Variants in ELOC observed in about 807,000 individuals in gnomAD.
The protein encoded by ELOC is elongin C, also known as elongin-C.
For synonymous variants in ELOC, 40 were observed against 51.3 expected, an observed-to-expected ratio of 0.78 and a Z score of 0.94; for missense variants, 38 against 139.0, an observed-to-expected ratio of 0.27 and a Z score of 3.65.
intron 2 of ELOC, among the ~76,000 whole-genome samples, chr8:73,957,944 A>T (rs558007755): frequency 1.3e-4 from 19 of 151,672 alleles, no homozygotes; most frequent in African/African-American, 4.6e-4. Flanking sequence ...ACGGCTGGCT[A>T]ATTTTTGTAT....
At chr8:73,951,280 T>C (rs189328715) in intron 3 of ELOC, among the ~76,000 whole-genome samples, 4 of 152,034 alleles carry the variant, frequency 2.6e-5, no homozygotes, top group Admixed American at 1.3e-4. Flanking sequence ...AAAATGTTAA[T>C]AACTATTGAA....
chr8:73,969,915 T>C (rs1815240772), intron 1 of ELOC, among the ~76,000 whole-genome samples: 2 of 152,228 alleles, frequency 1.3e-5, no homozygotes, highest in South Asian at 4.1e-4. Context: ...CATTACTGGA[T>C]GGGCTTTTTC....
At chr8:73,949,373 C>A (rs1158505454) in intron 3 of ELOC, among the ~76,000 whole-genome samples, 1 of 152,080 alleles carries the variant, frequency 6.6e-6, no homozygotes, top group Non-Finnish European at 1.5e-5. Flanking sequence ...TGATACTAGA[C>A]AAACATCAGT....
chr8:73,954,534 G>A (rs926434196), intron 3 of ELOC, among the ~76,000 whole-genome samples: 1 of 151,424 alleles, frequency 6.6e-6, no homozygotes, highest in African/African-American at 2.4e-5. Context: ...GGCACCTGTA[G>A]TCCCAGACTT....
intron 1 of ELOC, among the ~76,000 whole-genome samples, chr8:73,971,094 G>A (rs1815363292): frequency 1.4e-5 from 2 of 146,220 alleles, no homozygotes; most frequent in Admixed American, 1.4e-4. Flanking sequence ...AAGTGAGAAA[G>A]TGAGGTTTTA....
intron 3 of ELOC, among the ~76,000 whole-genome samples, chr8:73,954,174 G>C (rs1813978155): frequency 1.3e-5 from 2 of 152,114 alleles, no homozygotes; most frequent in African/African-American, 2.4e-5. Flanking sequence ...AGACACTGAG[G>C]GTAGAGAATG....
chr8:73,963,960 G>T (rs762522843), intron 1 of ELOC, among the ~76,000 whole-genome samples: 1 of 151,978 alleles, frequency 6.6e-6, no homozygotes, highest in Non-Finnish European at 1.5e-5. Flanking sequence ...GGGTGTAGTA[G>T]TGGGTGCCTG....
intron 3 of ELOC, among the ~76,000 whole-genome samples, chr8:73,955,035 GA>G (rs34453392): frequency 2.7e-3 from 173 of 62,976 alleles, no homozygotes; most frequent in Middle Eastern, 0.011. Flanking sequence ...CTCCATCTCG[GA>G]AAAAAAAAAA....
chr8:73,964,890 G>A (rs976207801), intron 1 of ELOC, among the ~76,000 whole-genome samples: 5 of 151,976 alleles, frequency 3.3e-5, no homozygotes, highest in Non-Finnish European at 5.9e-5. Context: ...AGCTGGGCAT[G>A]GTGGTGCATA....
At chr8:73,970,516 T>C (rs930688018) in intron 1 of ELOC, 1 of 152,172 alleles carries the variant, frequency 6.6e-6, no homozygotes, top group Non-Finnish European at 1.5e-5. Context: ...GGTCACTTAA[T>C]ATTAAACAGG....
At chr8:73,966,546 T>A (rs1177635501) in intron 1 of ELOC, among the ~76,000 whole-genome samples, 1 of 151,434 alleles carries the variant, frequency 6.6e-6, no homozygotes, top group African/African-American at 2.4e-5. Context: ...AGTACAGTTG[T>A]GCAATCCTGG....
At chr8:73,947,302 G>GT (rs1356113797) in intron 3 of ELOC, among the ~76,000 whole-genome samples, 8 of 151,874 alleles carry the variant, frequency 5.3e-5, no homozygotes. Context: ...TGGTATTCTC[G>GT]TAAGAGATCC....
At position 73,951,405 on chromosome 8, in the gene ELOC, C is replaced by A. The variant is rs566216145; in HGVS notation, c.148+4506G>T. On this transcript the variant is annotated intron_variant, in intron 3 of 3. Transcript: ENST00000520242. Reference sequence around the variant, plus strand: ...TTGTGGCCACACACAGTGGCTCACACCTGTAACCCCAGCACTTTGGGAGGC... The same window carrying A: ...TTGTGGCCACACACAGTGGCTCACAACTGTAACCCCAGCACTTTGGGAGGC... 1.9e-4 allele frequency among the ~76,000 whole-genome samples: 29 copies of A among 152,220 alleles called. No homozygotes were observed. The East Asian group carries it at 5.4e-3, about 28-fold the overall frequency.
chr8:73,965,618 C>G (rs886505094), intron 1 of ELOC, among the ~76,000 whole-genome samples: 1 of 152,134 alleles, frequency 6.6e-6, no homozygotes, highest in Admixed American at 6.5e-5. Flanking sequence ...GAGGAACATT[C>G]TGGAGTGATA....
chr8:73,971,998 T>G (rs1815443643), intron 1 of ELOC, 79 bp downstream of exon 1: 1 of 152,172 alleles, frequency 6.6e-6, no homozygotes, highest in Non-Finnish European at 1.5e-5. Context: ...GAAGTGGGAT[T>G]GCGAGCTCGT....
chr8:73,948,859 G>GCAAC (rs1813562984), intron 3 of ELOC, among the ~76,000 whole-genome samples: 2 of 152,128 alleles, frequency 1.3e-5, no homozygotes, highest in African/African-American at 4.8e-5. Context: ...AAGCAAGCAA[G>GCAAC]CAAGCAAGCA....
chr8:73,970,441 C>T (rs2131205680), intron 1 of ELOC: 1 of 152,192 alleles, frequency 6.6e-6, no homozygotes, highest in African/African-American at 2.4e-5. Flanking sequence ...TACCATCTGG[C>T]AATGCATACA....
intron 3 of ELOC, among the ~76,000 whole-genome samples, chr8:73,952,355 C>T (rs762303879): frequency 1.6e-4 from 24 of 150,976 alleles, no homozygotes; most frequent in African/African-American, 5.6e-4. Context: ...TGCAGTGAGC[C>T]GAGATTGAGC....
intron 1 of ELOC, among the ~76,000 whole-genome samples, chr8:73,968,332 T>C (rs1389857825): frequency 6.6e-6 from 1 of 152,200 alleles, no homozygotes; most frequent in African/African-American, 2.4e-5. Context: ...GCTTCCCATG[T>C]TTATTACCCA....
Sources: gnomAD v4.1 joint callset for allele counts (sites outside exome capture counted in the v4.1 genomes callset) on GRCh38, gnomAD v4.1.1 for gene constraint, MANE v1.5 for transcripts, NCBI Gene and HGNC (gene_info 2026-07-23, HGNC 2026-07-21) for gene names.